Variants in CEP70 observed in about 807,000 individuals in gnomAD.
The protein encoded by CEP70 is centrosomal protein of 70 kDa.
In CEP70, 70 loss-of-function variants were observed where a neutral mutation model predicts 90.9. That is an observed-to-expected ratio of 0.77 (90% CI 0.64 to 0.94). CEP70 has a LOEUF of 0.94. CEP70 is among the 40% of genes least tolerant of loss of function. CEP70 has a pLI of 0.00. For synonymous variants in CEP70, 220 were observed against 228.3 expected, an observed-to-expected ratio of 0.96 and a Z score of 0.33; for missense variants, 648 against 669.0, an observed-to-expected ratio of 0.97 and a Z score of 0.35.
At chr3:138,557,859 C>T (rs541001526) in intron 6 of CEP70, among the ~76,000 whole-genome samples, 1 of 152,094 alleles carries the variant, frequency 6.6e-6, no homozygotes, top group African/African-American at 2.4e-5. Flanking sequence ...AAAGAACATC[C>T]AATATTAGAG....
chr3:138,561,032 G>A (rs116490924), intron 6 of CEP70, among the ~76,000 whole-genome samples: 5,168 of 152,192 alleles, frequency 0.034, 116 homozygotes, highest in Admixed American at 0.061. Context: ...CAGAGCGTTC[G>A]AGCTCTGCTA....
chr3:138,569,378 A>C (rs963452856), intron 6 of CEP70, among the ~76,000 whole-genome samples: 2 of 152,212 alleles, frequency 1.3e-5, no homozygotes, highest in African/African-American at 4.8e-5. Flanking sequence ...TAAGGACTCA[A>C]TGTTTATAAT....
intron 6 of CEP70, among the ~76,000 whole-genome samples, chr3:138,559,569 C>T (rs1386108605): frequency 1.3e-5 from 2 of 152,258 alleles, no homozygotes; most frequent in South Asian, 2.1e-4. Flanking sequence ...CCCATCTCTA[C>T]TAAACATACA....
At chr3:138,566,034 T>A (rs1449145248) in intron 6 of CEP70, among the ~76,000 whole-genome samples, 1 of 152,138 alleles carries the variant, frequency 6.6e-6, no homozygotes, top group Non-Finnish European at 1.5e-5. Flanking sequence ...CAGACACTTG[T>A]CAAAAGAAGA....
At chr3:138,545,782 A>G (rs1281772028) in intron 6 of CEP70, among the ~76,000 whole-genome samples, 3 of 152,252 alleles carry the variant, frequency 2.0e-5, no homozygotes, top group East Asian at 1.9e-4. Context: ...TGCGGTTGAG[A>G]TAAGGACTGA....
chr3:138,546,320 T>C (rs1475548969), intron 6 of CEP70, among the ~76,000 whole-genome samples: 1 of 152,220 alleles, frequency 6.6e-6, no homozygotes, highest in Non-Finnish European at 1.5e-5. Flanking sequence ...AGTCAGTATG[T>C]ACCCTAAGAT....
chr3:138,536,634 A>G (rs2038288339), intron 7 of CEP70, among the ~76,000 whole-genome samples: 1 of 151,954 alleles, frequency 6.6e-6, no homozygotes, highest in Admixed American at 6.6e-5. Context: ...ATTATAGGAT[A>G]TAGCAAATAA....
At chr3:138,538,628 G>A (rs752453596) in intron 6 of CEP70, among the ~76,000 whole-genome samples, 2 of 152,122 alleles carry the variant, frequency 1.3e-5, no homozygotes, top group Admixed American at 6.5e-5. Context: ...AGAAACAACA[G>A]CTAACAAAGA....
At chr3:138,568,998 A>C (rs763286419) in intron 6 of CEP70, among the ~76,000 whole-genome samples, 15 of 151,720 alleles carry the variant, frequency 9.9e-5, no homozygotes, top group Non-Finnish European at 7.4e-5. Context: ...AACAAACAAA[A>C]AAAAAACACA....
At chr3:138,496,697 C>T (rs2033978555) in intron 17 of CEP70, 1 of 985,112 alleles carries the variant, frequency 1.0e-6, no homozygotes, top group Non-Finnish European at 1.2e-6. Context: ...CTTAGTGACA[C>T]CTATTAATTA....
chr3:138,513,192 C>T (rs2035687183), intron 11 of CEP70, among the ~76,000 whole-genome samples: 1 of 152,244 alleles, frequency 6.6e-6, no homozygotes, highest in African/African-American at 2.4e-5. Context: ...AGCCTGTGCA[C>T]TGCAATCTCT....
chr3:138,554,013 A>G (rs558525490), intron 6 of CEP70, among the ~76,000 whole-genome samples: 28 of 152,168 alleles, frequency 1.8e-4, no homozygotes, highest in African/African-American at 6.0e-4. Flanking sequence ...CCTGGCCAAC[A>G]TGGTGAATGA....
At chr3:138,560,749 G>A (rs1485052975) in intron 6 of CEP70, among the ~76,000 whole-genome samples, 3 of 152,082 alleles carry the variant, frequency 2.0e-5, no homozygotes, top group Non-Finnish European at 4.4e-5. Context: ...AAACAAAGCC[G>A]CCCAGAAGTT....
rs770740838 is a variant in CEP70 at position 138,571,071 on chromosome 3, T to C, written c.247A>G (p.Met83Val). 8.7e-6 allele frequency: 14 copies of C among 1,607,928 alleles called. No homozygotes were observed. The East Asian group carries it at 1.8e-4, about 21-fold the overall frequency. The change falls in exon 5 of 18, where the codon ATG (methionine) becomes GTG (valine). Residue 83 changes from methionine (M) to valine (V), a missense_variant. By Grantham distance (21) the Met-to-Val change is conservative. Transcript: ENST00000264982. ...TTAGTTTCTATAAGCTCCTGTATCA[T>C]GTTCTGTTGACATGATGTTTCTTCC... The part of the protein sequence containing the change: ...LVEETSCQQN[M>V]IQELIETNQQ...
Position 138,556,776 on chromosome 3 carries a change from G to T in CEP70, c.465+13542C>A, listed in dbSNP as rs150973134. 3.9e-3 allele frequency among the ~76,000 whole-genome samples: 593 copies of T among 152,062 alleles called. 3 individuals carry two copies. Among genetic ancestry groups the T allele is most frequent in the African/African-American group, 0.014 (570 of 41,470 alleles). On this transcript the variant is annotated intron_variant, in intron 6 of 17. Transcript: ENST00000264982. ...AAAAGGGGAGGCAGTGTACAAATAG[G>T]GTGTGGGTCACAGAGATCACGTACT...
chr3:138,504,798 C>G (rs779390853), intron 13 of CEP70, among the ~76,000 whole-genome samples: 1 of 151,936 alleles, frequency 6.6e-6, no homozygotes, highest in Non-Finnish European at 1.5e-5. Flanking sequence ...ACTATCTGTT[C>G]TAGAGAATAA....
intron 11 of CEP70, among the ~76,000 whole-genome samples, chr3:138,512,660 A>T (rs1218135899): frequency 2.6e-5 from 4 of 152,132 alleles, no homozygotes; most frequent in Non-Finnish European, 5.9e-5. Flanking sequence ...ACACTGAGAA[A>T]ACAGAAAACT....
intron 2 of CEP70, among the ~76,000 whole-genome samples, chr3:138,588,495 T>C (rs1019590942): frequency 6.6e-6 from 1 of 152,206 alleles, no homozygotes; most frequent in Admixed American, 6.5e-5. Context: ...AAAAAGATGC[T>C]AAACATTGTT....
intron 2 of CEP70, among the ~76,000 whole-genome samples, chr3:138,582,755 C>T (rs1198100979): frequency 6.6e-6 from 1 of 152,036 alleles, no homozygotes; most frequent in African/African-American, 2.4e-5. Context: ...CAGAACTAGA[C>T]TCCATCTCAA....
Sources: gnomAD v4.1 joint callset for allele counts (sites outside exome capture counted in the v4.1 genomes callset) on GRCh38, gnomAD v4.1.1 for gene constraint, MANE v1.5 for transcripts, NCBI Gene and HGNC (gene_info 2026-07-23, HGNC 2026-07-21) for gene names.